Variants in CRB1 observed in about 807,000 individuals in gnomAD.
The protein encoded by CRB1 is protein crumbs homolog 1.
CRB1 carries 83 observed loss-of-function variants against 120.0 expected under a neutral mutation model. That is an observed-to-expected ratio of 0.69 (90% CI 0.58 to 0.83). The LOEUF is 0.83. CRB1 is among the 40% of genes least tolerant of loss of function. The pLI, the probability that CRB1 is intolerant of heterozygous loss-of-function variation, is 0.00. For missense variants in CRB1, 1,699 were observed against 1,687.6 expected, an observed-to-expected ratio of 1.01 and a Z score of -0.12; for synonymous variants, 625 against 612.5, an observed-to-expected ratio of 1.02 and a Z score of -0.30.
At chr1:197,396,600 A>G (rs939199397) in intron 5 of CRB1, among the ~76,000 whole-genome samples, 20 of 152,150 alleles carry the variant, frequency 1.3e-4, no homozygotes, top group Non-Finnish European at 8.8e-5. Flanking sequence ...AGCAATCAAG[A>G]TAATGTAGAG....
chr1:197,290,910 A>G (rs1284695281), intron 1 of CRB1, among the ~76,000 whole-genome samples: 3 of 151,816 alleles, frequency 2.0e-5, no homozygotes, highest in African/African-American at 7.2e-5. Flanking sequence ...GCTCTCTGGT[A>G]CTAAATGTAT....
the CRB1 span, among the ~76,000 whole-genome samples, chr1:197,245,532 A>G: frequency 6.6e-6 from 1 of 152,178 alleles, no homozygotes; most frequent in East Asian, 1.9e-4. Flanking sequence ...ACAGATATTA[A>G]AAGCATCTTT....
intron 5 of CRB1, among the ~76,000 whole-genome samples, chr1:197,381,498 C>T (rs1009321316): frequency 6.6e-6 from 1 of 152,124 alleles, no homozygotes. Context: ...AGATTTCCTC[C>T]GTGAAGCATT....
intron 9 of CRB1, among the ~76,000 whole-genome samples, chr1:197,436,664 C>G (rs1665175697): frequency 6.6e-6 from 1 of 151,976 alleles, no homozygotes; most frequent in South Asian, 2.1e-4. Flanking sequence ...TTTAATATCC[C>G]ATAGGGCAAG....
At chr1:197,330,273 T>C (rs1658771180) in intron 2 of CRB1, among the ~76,000 whole-genome samples, 3 of 152,304 alleles carry the variant, frequency 2.0e-5, no homozygotes, top group South Asian at 2.1e-4. Context: ...TTATTTCAAC[T>C]CTTGTGTGTA....
At chr1:197,311,482 C>T (rs1443204294) in intron 1 of CRB1, among the ~76,000 whole-genome samples, 1 of 151,990 alleles carries the variant, frequency 6.6e-6, no homozygotes, top group Non-Finnish European at 1.5e-5. Context: ...TTTTGCTTTC[C>T]AAGATTATAC....
upstream of CRB1, among the ~76,000 whole-genome samples, chr1:197,265,800 G>C (rs1005169141): frequency 6.6e-6 from 1 of 152,020 alleles, no homozygotes; most frequent in Non-Finnish European, 1.5e-5. Flanking sequence ...CTTTAGTTCA[G>C]TCCCTTATCA....
chr1:197,430,168 A>C (rs964911941), intron 8 of CRB1, among the ~76,000 whole-genome samples: 2 of 152,224 alleles, frequency 1.3e-5, no homozygotes, highest in Non-Finnish European at 2.9e-5. Context: ...CTGTACTACA[A>C]AAAACAATTT....
intron 1 of CRB1, among the ~76,000 whole-genome samples, chr1:197,291,436 T>A (rs1343011008): frequency 6.6e-6 from 1 of 151,852 alleles, no homozygotes; most frequent in Non-Finnish European, 1.5e-5. Context: ...ACATGTTTTA[T>A]CAAATTAATG....
chr1:197,304,511 G>A (rs1657053943), intron 1 of CRB1: 1 of 341,152 alleles, frequency 2.9e-6, no homozygotes, highest in Non-Finnish European at 4.1e-6. Context: ...ATGCCTCTGT[G>A]GTAGATACTA....
chr1:197,473,764 ATC>A (rs1667083778), intron 11 of CRB1, among the ~76,000 whole-genome samples: 3 of 152,052 alleles, frequency 2.0e-5, no homozygotes, highest in Admixed American at 2.0e-4. Flanking sequence ...GGAGGCCTCC[ATC>A]ATCAGTTCAT....
chr1:197,311,796 A>G, intron 1 of CRB1, among the ~76,000 whole-genome samples: 1 of 151,484 alleles, frequency 6.6e-6, no homozygotes, highest in Non-Finnish European at 1.5e-5. Context: ...TATATAATAC[A>G]CTATTAATAT....
At chr1:197,407,235 T>C (rs1254314087) in intron 5 of CRB1, among the ~76,000 whole-genome samples, 2 of 152,222 alleles carry the variant, frequency 1.3e-5, no homozygotes, top group Non-Finnish European at 2.9e-5. Context: ...TTTTATTCTA[T>C]GAAGGACATA....
the CRB1 span, among the ~76,000 whole-genome samples, chr1:197,207,673 A>G: frequency 1.3e-5 from 2 of 152,104 alleles, no homozygotes. Context: ...TAGACTTTAG[A>G]TAACTTTATG....
intron 2 of CRB1, among the ~76,000 whole-genome samples, chr1:197,330,491 AC>A (rs944301061): frequency 2.0e-5 from 3 of 152,190 alleles, no homozygotes; most frequent in African/African-American, 7.2e-5. Flanking sequence ...ATGTCCTCAC[AC>A]ATTCCACCGA....
intron 11 of CRB1, among the ~76,000 whole-genome samples, chr1:197,459,037 G>A (rs6691940): frequency 0.93 from 141,628 of 152,018 alleles, 66,860 homozygotes; most frequent in East Asian, 1. Context: ...GAAAAATGTC[G>A]CAAGTAAAGA....
chr1:197,445,327 C>T (rs1043300993), intron 11 of CRB1, among the ~76,000 whole-genome samples: 28 of 152,032 alleles, frequency 1.8e-4, no homozygotes, highest in African/African-American at 6.5e-4. Context: ...TTTTTGTGTG[C>T]GTACGTGGCA....
intron 11 of CRB1, among the ~76,000 whole-genome samples, chr1:197,453,938 TA>T (rs1666147506): frequency 6.3e-5 from 2 of 31,602 alleles, no homozygotes; most frequent in African/African-American, 2.8e-4. Flanking sequence ...ATATTATTAA[TA>T]ATATATATTA....
At chr1:197,476,524 G>C (rs1002531459) in intron 11 of CRB1, among the ~76,000 whole-genome samples, 1 of 152,066 alleles carries the variant, frequency 6.6e-6, no homozygotes, top group Non-Finnish European at 1.5e-5. Flanking sequence ...ATTGCTGATT[G>C]AATGCACAAA....
Sources: allele counts gnomAD v4.1 joint callset (sites outside exome capture counted in the v4.1 genomes callset), GRCh38; gene constraint gnomAD v4.1.1; transcripts MANE v1.5; gene names NCBI Gene and HGNC (gene_info 2026-07-23, HGNC 2026-07-21).